The following GRM7 variants were observed in gnomAD, a reference collection of about 807,000 sequenced individuals.
GRM7 encodes the protein glutamate metabotropic receptor 7.
Under a neutral mutation model 84.5 loss-of-function variants are expected in GRM7, and 35 were observed. The ratio of observed to expected loss-of-function variants is 0.41; its 90% CI spans 0.32 to 0.55. GRM7 has a LOEUF of 0.55. Ranked by LOEUF, GRM7 falls within the 20% of genes least tolerant of loss-of-function variation. The pLI is 0.19. For missense variants in GRM7, 1,003 were observed against 1,194.6 expected, an observed-to-expected ratio of 0.84 and a Z score of 2.36; for synonymous variants, 487 against 455.1, an observed-to-expected ratio of 1.07 and a Z score of -0.89.
chr3:6,930,230 G>A (rs1373913342), intron 1 of GRM7, among the ~76,000 whole-genome samples: 1 of 152,148 alleles, frequency 6.6e-6, no homozygotes, highest in Non-Finnish European at 1.5e-5. Context: ...TAATATATGT[G>A]AAAAGCCAAG....
chr3:7,213,149 G>T (rs1236703018), intron 2 of GRM7, among the ~76,000 whole-genome samples: 2 of 152,156 alleles, frequency 1.3e-5, no homozygotes, highest in African/African-American at 2.4e-5. Context: ...AACAGAGACT[G>T]TACTTTAGAT....
chr3:7,604,537 C>T (rs1359862937), intron 8 of GRM7, among the ~76,000 whole-genome samples: 4 of 152,144 alleles, frequency 2.6e-5, no homozygotes, highest in Admixed American at 2.6e-4. Flanking sequence ...ACATTCCATA[C>T]CCATAATGCT....
intron 4 of GRM7, among the ~76,000 whole-genome samples, chr3:7,338,932 TG>T (rs941220848): frequency 5.4e-5 from 8 of 148,930 alleles, no homozygotes; most frequent in Non-Finnish European, 1.2e-4. Flanking sequence ...CTTTCCAGGC[TG>T]GGGAAAAAAA....
chr3:7,045,490 A>T (rs1461235050), intron 1 of GRM7, among the ~76,000 whole-genome samples: 3 of 152,174 alleles, frequency 2.0e-5, no homozygotes, highest in African/African-American at 7.2e-5. Context: ...TCCAGAACTC[A>T]TTGTATTGTA....
At chr3:7,729,185 G>A (rs1027822727) in intron 9 of GRM7, among the ~76,000 whole-genome samples, 19 of 151,908 alleles carry the variant, frequency 1.3e-4, no homozygotes, top group African/African-American at 4.4e-4. Context: ...TACTTATGGC[G>A]TTTTCACAGT....
At chr3:7,570,082 C>T (rs927561645) in intron 7 of GRM7, among the ~76,000 whole-genome samples, 2 of 152,130 alleles carry the variant, frequency 1.3e-5, no homozygotes, top group Non-Finnish European at 2.9e-5. Flanking sequence ...AAGAACCGCC[C>T]CCATAATTCA....
chr3:7,460,517 C>G (rs138444449), intron 6 of GRM7, among the ~76,000 whole-genome samples: 1 of 152,232 alleles, frequency 6.6e-6, no homozygotes, highest in East Asian at 1.9e-4. Context: ...GTGGCCAAAG[C>G]ACCATTTGAG....
At chr3:7,136,767 A>G (rs1693786264) in intron 1 of GRM7, among the ~76,000 whole-genome samples, 2 of 152,060 alleles carry the variant, frequency 1.3e-5, no homozygotes, top group South Asian at 4.1e-4. Context: ...ATCCGTTCCT[A>G]TGCTGTTCCC....
At chr3:7,465,797 G>A (rs1204282645) in intron 7 of GRM7, among the ~76,000 whole-genome samples, 1 of 152,150 alleles carries the variant, frequency 6.6e-6, no homozygotes, top group Non-Finnish European at 1.5e-5. Flanking sequence ...TCTGAGCCAA[G>A]AAATCAGAGT....
intron 4 of GRM7, among the ~76,000 whole-genome samples, chr3:7,414,654 G>A (rs1434982779): frequency 6.6e-6 from 1 of 152,098 alleles, no homozygotes; most frequent in Non-Finnish European, 1.5e-5. Flanking sequence ...TACATAATGG[G>A]ATATTGCTAA....
At chr3:7,239,349 A>T (rs904179917) in intron 2 of GRM7, among the ~76,000 whole-genome samples, 3 of 152,046 alleles carry the variant, frequency 2.0e-5, no homozygotes, top group Non-Finnish European at 4.4e-5. Flanking sequence ...TAGTAAAAGC[A>T]CCGTGGGCTT....
chr3:7,425,696 G>GA lies in GRM7; in HGVS notation c.1174+10539dup, dbSNP rs1409301760. Among the ~76,000 whole-genome samples the GA allele has an allele frequency of 3.3e-5, 5 of 152,056 alleles. No individual in the cohort carries two copies. The East Asian group carries it at 9.7e-4, about 29-fold the overall frequency. On this transcript the variant is annotated intron_variant, in intron 5 of 9. Transcript: ENST00000357716. ...AAGATGCTATTGCTTTTTTATTAGA[G>GA]AAAAAATGCAATGGTTACACACAGG...
intron 2 of GRM7, among the ~76,000 whole-genome samples, chr3:7,233,791 A>G (rs1182765160): frequency 3.3e-5 from 5 of 152,086 alleles, no homozygotes; most frequent in African/African-American, 7.2e-5. Flanking sequence ...AATAAACCCA[A>G]TTTTTGGATC....
chr3:7,136,008 G>T lies in GRM7; in HGVS notation c.520-10444G>T, dbSNP rs114474929. On this transcript the variant is annotated intron_variant, in intron 1 of 9. Transcript: ENST00000357716. ...TAAGGGAGTATGTTTCCAAGCCTAG[G>T]AGATCCTTCTGCCTAGTAGCAGTTT... 7.8e-3 allele frequency among the ~76,000 whole-genome samples: 1,180 copies of T among 152,130 alleles called. 16 individuals carry two copies. The highest frequency in any genetic ancestry group is 0.026 in the African/African-American group (1,098 of 41,520).
chr3:7,018,636 C>G (rs934138801), intron 1 of GRM7, among the ~76,000 whole-genome samples: 2 of 152,168 alleles, frequency 1.3e-5, no homozygotes, highest in African/African-American at 4.8e-5. Context: ...AAGCTTGGAG[C>G]TGTTAACGTG....
At chr3:7,633,088 G>C (rs1559452178) in intron 8 of GRM7, among the ~76,000 whole-genome samples, 2 of 152,222 alleles carry the variant, frequency 1.3e-5, no homozygotes, top group Non-Finnish European at 2.9e-5. Flanking sequence ...GGATGTAATG[G>C]GTATAAAACT....
chr3:7,622,910 G>T (rs561558329), intron 8 of GRM7, among the ~76,000 whole-genome samples: 2 of 152,248 alleles, frequency 1.3e-5, no homozygotes, highest in East Asian at 3.9e-4. Context: ...ATAAGTCAAA[G>T]AAGCTGAAGG....
intron 7 of GRM7, among the ~76,000 whole-genome samples, chr3:7,536,902 T>G (rs537153812): frequency 1.3e-4 from 20 of 152,178 alleles, no homozygotes; most frequent in Non-Finnish European, 2.9e-4. Flanking sequence ...ATAATAAATA[T>G]TTGTTAAGTT....
intron 1 of GRM7, among the ~76,000 whole-genome samples, chr3:7,064,491 C>CAAATATATATACACACATATACAT (rs1697567095): frequency 1.4e-5 from 1 of 69,644 alleles, no homozygotes; most frequent in African/African-American, 6.0e-5. Flanking sequence ...CACACATATA[C>CAAATATATATACACACATATACAT]ATATATATAT....
Sources: gnomAD v4.1 joint callset for allele counts (sites outside exome capture counted in the v4.1 genomes callset) on GRCh38, gnomAD v4.1.1 for gene constraint, MANE v1.5 for transcripts, NCBI Gene and HGNC (gene_info 2026-07-23, HGNC 2026-07-21) for gene names.